ZNF546: variants seen among roughly 807,000 people sequenced by gnomAD.
The protein encoded by ZNF546 is zinc finger protein 546.
In ZNF546, 60 loss-of-function variants were observed where a neutral mutation model predicts 76.2. The observed-to-expected ratio is 0.79, with a 90% CI of 0.64 to 0.98. ZNF546 has a LOEUF of 0.98. ZNF546 is among the 50% of genes least tolerant of loss of function. The probability of loss-of-function intolerance (pLI) is 0.00; values close to 1 mark genes in which losing one functional copy is unlikely to be tolerated. For missense variants in ZNF546, 936 were observed against 1,035.6 expected, an observed-to-expected ratio of 0.90 and a Z score of 1.32; for synonymous variants, 277 against 328.1, an observed-to-expected ratio of 0.84 and a Z score of 1.68.
rs969534070 is a variant in ZNF546, at chr19:40,020,796, T to A, written c.*5015T>A. The A allele has an allele frequency of 1.3e-5, 2 of 152,176 alleles. No individual in the cohort carries two copies. Among genetic ancestry groups the A allele is most frequent in the Non-Finnish European group, 2.9e-5 (2 of 68,000 alleles). 9.4% of individuals were successfully genotyped at this position (152,176 alleles called of 1,614,324 possible). On this transcript the variant is annotated 3_prime_UTR_variant, in exon 7 of 7. Coordinates refer to ENST00000347077, the MANE Select transcript of ZNF546 (RefSeq NM_178544.5). ...ACCCTAAAGATAGAATATTCAGATC[T>A]AATGGCAGATGCTTAGCTATGCTGG...
At chr19:40,004,526 C>T (rs1971577915) in intron 3 of ZNF546, among the ~76,000 whole-genome samples, 1 of 152,152 alleles carries the variant, frequency 6.6e-6, no homozygotes, top group South Asian at 2.1e-4. Context: ...ACCTCGGCCT[C>T]CCAGCGTGCT....
intron 4 of ZNF546, among the ~76,000 whole-genome samples, 197 bp downstream of exon 4, chr19:40,006,379 G>A (rs1397845989): frequency 6.6e-6 from 1 of 152,128 alleles, no homozygotes; most frequent in Non-Finnish European, 1.5e-5. Context: ...TCTTATCTGT[G>A]CTCAAACATT....
Position 40,006,144 on chromosome 19 carries a change from G to C in ZNF546, c.133G>C (p.Glu45Gln), listed in dbSNP as rs767332960. Residue 45 changes from glutamate to glutamine, a missense_variant, in exon 4 of 7, where the codon GAA becomes CAA. Glu to Gln is a conservative substitution (Grantham distance 29). Coordinates refer to ENST00000347077, the MANE Select transcript of ZNF546 (RefSeq NM_178544.5). ...CTTCTCCATGGAGGAAACTCAAGGAGAACTGACAAGTTCTTGTGGTTCTAA... is the reference window on the plus strand; with the variant it reads ...CTTCTCCATGGAGGAAACTCAAGGACAACTGACAAGTTCTTGTGGTTCTAA... ...LCFSMEETQG[E>Q]LTSSCGSKTM... 6.2e-7 allele frequency: 1 copy of C among 1,613,912 alleles called. No individual in the cohort carries two copies. Among genetic ancestry groups the C allele is most frequent in the South Asian group, 1.1e-5 (1 of 91,000 alleles).
At chr19:40,013,072 C>T (rs141571987) in intron 6 of ZNF546, among the ~76,000 whole-genome samples, 50 of 152,300 alleles carry the variant, frequency 3.3e-4, no homozygotes, top group African/African-American at 1.1e-3. Context: ...CTCAGCCTCC[C>T]AAAGTGCTGG....
rs1568391587 is a variant in ZNF546 at position 40,018,742 on chromosome 19, G to A, written c.*2961G>A. ...CCAAGTAATCACATAGAAAAGCTAA[G>A]TAAAGCTGTCCTGATTACAGCTGTA... On this transcript the variant is annotated 3_prime_UTR_variant, in exon 7 of 7. Coordinates refer to ENST00000347077, the MANE Select transcript of ZNF546 (RefSeq NM_178544.5). 1.3e-5 allele frequency: 2 copies of A among 152,262 alleles called. No individual in the cohort carries two copies. The highest frequency in any genetic ancestry group is 6.5e-5 in the Admixed American group (1 of 15,282). The allele number at this position is 152,262 out of a possible 1,614,324, so 9.4% of individuals were successfully genotyped here.
chr19:39,998,628 A>C, intron 3 of ZNF546: 1 of 522,280 alleles, frequency 1.9e-6, no homozygotes, highest in Admixed American at 3.2e-5. Context: ...TTGGAAGTCC[A>C]AGCATAGAAA....
chr19:39,997,112 C>T lies in ZNF546; in HGVS notation c.-180C>T, dbSNP rs1971463104. 1 of 152,314 alleles carries T rather than the reference C, an allele frequency of 6.6e-6. No individual in the cohort carries two copies. The allele number at this position is 152,314 out of a possible 1,614,324, so 9.4% of individuals were successfully genotyped here. On this transcript the variant is annotated 5_prime_UTR_variant, in exon 1 of 7. Transcript: ENST00000347077. Reference sequence around the variant, plus strand: ...TACATTGCGTTCTTAACGGTTCAGTCACCTTAACCGTTATTATTCACTTGC... The same window carrying T: ...TACATTGCGTTCTTAACGGTTCAGTTACCTTAACCGTTATTATTCACTTGC...
Position 40,019,919 on chromosome 19 carries a change from A to T in ZNF546, c.*4138A>T, listed in dbSNP as rs1319834862. On this transcript the variant is annotated 3_prime_UTR_variant, in exon 7 of 7. Transcript: ENST00000347077. ...TTTAAATGGCCAAATTGTGGCTTAG[A>T]TTGGATATGATAATTTCCTCAATGC... The T allele has an allele frequency of 6.6e-6, 1 of 152,158 alleles. No individual in the cohort carries two copies. Among genetic ancestry groups the T allele is most frequent in the Non-Finnish European group, 1.5e-5 (1 of 68,014 alleles). 9.4% of individuals were successfully genotyped at this position (152,158 alleles called of 1,614,324 possible).
Position 39,998,490 on chromosome 19 carries a change from CATCTTCTCCA to C in ZNF546, c.84+92_84+101del. On this transcript the variant is annotated intron_variant, in intron 3 of 6. Coordinates refer to ENST00000347077, the MANE Select transcript of ZNF546 (RefSeq NM_178544.5). ...AATGTTTAGGTAGAATCACATCATC[CATCTTCTCCA>C]ATCTTCTCCAAAGACCTCAGTTTTA... 2.5e-6 allele frequency: 3 copies of C among 1,206,594 alleles called. No homozygotes were observed. In the South Asian group the frequency reaches 3.8e-5, roughly 15 times the overall value. The allele number at this position is 1,206,594 out of a possible 1,614,324, so 74.7% of individuals were successfully genotyped here.
At position 40,008,482 on chromosome 19, in the gene ZNF546, C is replaced by T. The variant is rs766598485; in HGVS notation, c.311C>T (p.Pro104Leu). The change falls in exon 6 of 7, where the codon CCT (proline) becomes CTT (leucine). Residue 104 changes from proline (P) to leucine (L), a missense_variant. Physicochemically the swap from Pro to Leu is moderately conservative, Grantham distance 98. Coordinates refer to ENST00000347077, the MANE Select transcript of ZNF546 (RefSeq NM_178544.5). ...SNLVSLGYTIPKPDVITLLEQ... is the reference protein window; with the variant it reads ...SNLVSLGYTILKPDVITLLEQ... ...TTCTCATGAGCAGGATATACCATTC[C>T]TAAGCCAGATGTGATTACTTTATTG... 10 of 1,609,690 alleles carry T rather than the reference C, an allele frequency of 6.2e-6. No individual in the cohort carries two copies. In the Admixed American group the frequency reaches 1.7e-4, roughly 27 times the overall value.
rs371546523 is a variant in ZNF546, at chr19:40,014,641, T to G, written c.1371T>G (p.Thr457=). 2.3e-5 allele frequency: 37 copies of G among 1,611,814 alleles called. No homozygotes were observed. The highest frequency in any genetic ancestry group is 3.0e-5 in the Non-Finnish European group (35 of 1,179,186). Residue 457 remains threonine (T), a synonymous_variant, in exon 7 of 7, where the codon ACT becomes ACG. Coordinates refer to ENST00000347077, the MANE Select transcript of ZNF546 (RefSeq NM_178544.5). The part of the protein sequence containing the change: ...GKAFRLQTEL[T]RHHRTHTGEK... Reference sequence around the variant, plus strand: ...CCTTTCGTCTTCAAACGGAACTTACTCGGCATCATAGAACTCATACTGGTG... The same window carrying G: ...CCTTTCGTCTTCAAACGGAACTTACGCGGCATCATAGAACTCATACTGGTG...
At position 40,014,470 on chromosome 19, in the gene ZNF546, T is replaced by A. The variant is rs766781953; in HGVS notation, c.1200T>A (p.Leu400=). 6.2e-7 allele frequency: 1 copy of A among 1,614,060 alleles called. No individual in the cohort carries two copies. The highest frequency in any genetic ancestry group is 8.5e-7 in the Non-Finnish European group (1 of 1,179,986). The change falls in exon 7 of 7, where the codon CTT becomes CTA. Residue 400 remains leucine (L), a synonymous_variant. Coordinates refer to ENST00000347077, the MANE Select transcript of ZNF546 (RefSeq NM_178544.5). ...AGGCCTTTAGTCATGGCTCATACCTTGTTCAACATCAGAAAATTCATACTG... is the reference window on the plus strand; with the variant it reads ...AGGCCTTTAGTCATGGCTCATACCTAGTTCAACATCAGAAAATTCATACTG... ...CGKAFSHGSY[L]VQHQKIHTGE... is the part of the protein sequence containing the mutation.
intron 3 of ZNF546, among the ~76,000 whole-genome samples, chr19:40,001,960 G>T (rs1971536590): frequency 6.6e-6 from 1 of 152,178 alleles, no homozygotes; most frequent in African/African-American, 2.4e-5. Flanking sequence ...AACCCTATGA[G>T]ATAGGTGCTG....
rs117622016 is a variant in ZNF546, at chr19:40,014,558, C to T, written c.1288C>T (p.Arg430Ter). ...CTTTAGTTTTCATGCAGAACTTGCT[C>T]GACATCGTAGAATTCATACTGGTGA... ...KSFSFHAELARHRRIHTGEKP... is the reference protein window; with the variant it reads ...KSFSFHAELA The change falls in exon 7 of 7, where the codon CGA becomes TGA. Residue 430 changes from arginine (R) to a stop codon, truncating the protein, a stop_gained. Transcript: ENST00000347077. LOFTEE classifies it high-confidence loss of function. 796 of 1,613,934 alleles carry T rather than the reference C, an allele frequency of 4.9e-4. No individual in the cohort carries two copies. Among genetic ancestry groups the T allele is most frequent in the Non-Finnish European group, 6.1e-4 (716 of 1,180,014 alleles).
At chr19:40,005,185 A>AT (rs561322530) in intron 3 of ZNF546, among the ~76,000 whole-genome samples, 33 of 151,246 alleles carry the variant, frequency 2.2e-4, no homozygotes, top group Middle Eastern at 3.4e-3. Flanking sequence ...TGCCTAGCTA[A>AT]TTTTTTTTGT....
intron 3 of ZNF546, among the ~76,000 whole-genome samples, chr19:40,004,532 G>A (rs747263306): frequency 7.9e-5 from 12 of 152,108 alleles, no homozygotes; most frequent in Admixed American, 1.3e-4. Context: ...GCCTCCCAGC[G>A]TGCTAGGATT....
In ZNF546 at chr19:40,005,980, C is replaced by T. The variant is rs966049880; in HGVS notation, c.85-116C>T. 40 of 896,844 alleles carry T rather than the reference C, an allele frequency of 4.5e-5. 1 individual carries two copies. Among genetic ancestry groups the T allele is most frequent in the Admixed American group, 3.7e-4 (18 of 48,006 alleles). 55.6% of individuals were successfully genotyped at this position (896,844 alleles called of 1,614,324 possible). A position where few individuals can be genotyped will look rare whatever the true frequency, so the allele number is the denominator to read the frequency against. On this transcript the variant is annotated intron_variant, in intron 3 of 6. Transcript: ENST00000347077. ...TGAGATATCTTCCCCAGTTTATATG[C>T]GCAGAATGGTGGGGTTGGAAGTAGA... is the stretch of plus-strand genomic sequence containing the variant.
intron 6 of ZNF546, among the ~76,000 whole-genome samples, chr19:40,011,679 G>A (rs1334989596): frequency 6.6e-6 from 1 of 152,184 alleles, no homozygotes; most frequent in Admixed American, 6.5e-5. Flanking sequence ...TATAAGAAAA[G>A]AAATCTATAA....
intron 6 of ZNF546, among the ~76,000 whole-genome samples, chr19:40,009,875 G>A (rs1054978126): frequency 1.3e-5 from 2 of 151,744 alleles, no homozygotes; most frequent in Non-Finnish European, 2.9e-5. Flanking sequence ...TTGTTGAGTA[G>A]TATTCCATTG....
Sources: allele counts gnomAD v4.1 joint callset (sites outside exome capture counted in the v4.1 genomes callset), GRCh38; gene constraint gnomAD v4.1.1; transcripts MANE v1.5; gene names NCBI Gene and HGNC (gene_info 2026-07-23, HGNC 2026-07-21).